The following B4GALT6 variants were observed in gnomAD, a reference collection of about 807,000 sequenced individuals.
The protein encoded by B4GALT6 is UDP-Gal:beta-GlcNAc beta-1,4-galactosyltransferase 6.
B4GALT6 carries 14 observed loss-of-function variants against 46.3 expected under a neutral mutation model. That is an observed-to-expected ratio of 0.30 (90% CI 0.20 to 0.47). The LOEUF (loss-of-function observed/expected upper bound fraction) is 0.47, where lower values mean the gene tolerates loss of function less well. Ranked by LOEUF, B4GALT6 falls within the 20% of genes least tolerant of loss-of-function variation. B4GALT6 has a pLI of 0.99. For synonymous variants in B4GALT6, 168 were observed against 162.0 expected, an observed-to-expected ratio of 1.04 and a Z score of -0.28; for missense variants, 386 against 480.1, an observed-to-expected ratio of 0.80 and a Z score of 1.83.
chr18:31,678,836 C>T (rs2074447141), intron 1 of B4GALT6, among the ~76,000 whole-genome samples: 1 of 152,196 alleles, frequency 6.6e-6, no homozygotes, highest in Non-Finnish European at 1.5e-5. Context: ...GGGGCAAACG[C>T]AAGGGCTCTG....
the B4GALT6 span, among the ~76,000 whole-genome samples, chr18:31,692,531 T>G: frequency 8.1e-6 from 1 of 122,902 alleles, no homozygotes; most frequent in Admixed American, 8.8e-5. Context: ...TTTGATATGA[T>G]TAAACAATTT....
At chr18:31,704,221 A>AT in the B4GALT6 span, among the ~76,000 whole-genome samples, 321 of 142,672 alleles carry the variant, frequency 2.2e-3, 4 homozygotes, top group East Asian at 0.016. Context: ...AGAACATGAG[A>AT]TTTTTTTTTT....
At chr18:31,710,037 G>A in the B4GALT6 span, among the ~76,000 whole-genome samples, 2 of 151,262 alleles carry the variant, frequency 1.3e-5, no homozygotes, top group Non-Finnish European at 2.9e-5. Context: ...AGAGGTTGCA[G>A]TGAGCTGAGA....
upstream of B4GALT6, among the ~76,000 whole-genome samples, chr18:31,688,733 CCTT>C (rs1320840329): frequency 6.6e-6 from 1 of 152,078 alleles, no homozygotes; most frequent in Non-Finnish European, 1.5e-5. Context: ...ATTATTATGT[CCTT>C]CTGAGATGAG....
chr18:31,644,234 A>G (rs2073963831), intron 4 of B4GALT6, among the ~76,000 whole-genome samples: 1 of 152,270 alleles, frequency 6.6e-6, no homozygotes, highest in Admixed American at 6.5e-5. Context: ...CATTTGTAAC[A>G]AGGCCAAAAA....
At chr18:31,673,139 A>T (rs955808177) in intron 1 of B4GALT6, among the ~76,000 whole-genome samples, 4 of 152,204 alleles carry the variant, frequency 2.6e-5, no homozygotes, top group Non-Finnish European at 5.9e-5. Context: ...AGAAAAAACC[A>T]TTCTGTTGGT....
upstream of B4GALT6, among the ~76,000 whole-genome samples, chr18:31,688,130 T>G (rs1471193527): frequency 1.3e-5 from 2 of 151,786 alleles, no homozygotes; most frequent in Non-Finnish European, 2.9e-5. Context: ...CTAAAGAAAA[T>G]TATTGGGTTG....
intron 4 of B4GALT6, 34 bp from the exon 5 acceptor site, chr18:31,638,794 T>C: frequency 6.7e-7 from 1 of 1,486,972 alleles, no homozygotes. Context: ...TGTAAATAAA[T>C]ATATCTACCA....
chr18:31,721,412 A>G, the B4GALT6 span, among the ~76,000 whole-genome samples: 4 of 152,206 alleles, frequency 2.6e-5, no homozygotes, highest in African/African-American at 9.7e-5. Flanking sequence ...AATGCCTAAC[A>G]TATACATTAT....
chr18:31,631,615 G>GA (rs1371208493), intron 5 of B4GALT6, among the ~76,000 whole-genome samples: 2 of 150,458 alleles, frequency 1.3e-5, no homozygotes, highest in African/African-American at 2.4e-5. Flanking sequence ...CTTGTGGCGA[G>GA]AAAAAAAAAG....
chr18:31,674,565 ATCTCTT>A (rs2074394789), intron 1 of B4GALT6, among the ~76,000 whole-genome samples: 1 of 152,204 alleles, frequency 6.6e-6, no homozygotes, highest in South Asian at 2.1e-4. Flanking sequence ...TGAATCAGGT[ATCTCTT>A]TCTAAGAATT....
At chr18:31,709,106 G>A in the B4GALT6 span, among the ~76,000 whole-genome samples, 1 of 152,034 alleles carries the variant, frequency 6.6e-6, no homozygotes, top group African/African-American at 2.4e-5. Flanking sequence ...TAAAATGTGT[G>A]AGCTAGATTA....
rs949075844 is a variant in B4GALT6, at chr18:31,622,775, C to T, written c.*2839G>A. Reference sequence around the variant, plus strand: ...AGATTTAAAAAATACTCATAAAACCCTAGTTTTAGCAAAGAATTAACTATC... The same window carrying T: ...AGATTTAAAAAATACTCATAAAACCTTAGTTTTAGCAAAGAATTAACTATC... On this transcript the variant is annotated 3_prime_UTR_variant, in exon 9 of 9. Transcript: ENST00000306851. 1 of 151,936 alleles carries T rather than the reference C, an allele frequency of 6.6e-6. No individual in the cohort carries two copies. Among genetic ancestry groups the T allele is most frequent in the African/African-American group, 2.4e-5 (1 of 41,388 alleles). 9.4% of individuals were successfully genotyped at this position (151,936 alleles called of 1,614,324 possible).
At chr18:31,698,692 T>A in the B4GALT6 span, among the ~76,000 whole-genome samples, 1 of 150,564 alleles carries the variant, frequency 6.6e-6, no homozygotes, top group South Asian at 2.1e-4. Flanking sequence ...TATAGATTGA[T>A]GACCACTAAC....
At chr18:31,657,545 G>T (rs975840138) in intron 3 of B4GALT6, among the ~76,000 whole-genome samples, 2 of 152,168 alleles carry the variant, frequency 1.3e-5, no homozygotes, top group African/African-American at 4.8e-5. Flanking sequence ...TCTCAGTAGA[G>T]GTGAGGTTAC....
rs1375362499 is a variant in B4GALT6 at position 31,625,532 on chromosome 18, C to A, written c.*82G>T. ...CAGAGAAAAGGGCACTGTGACACAGCCAATCACTGACCTCCACTAAGAGCG... is the reference window on the plus strand; with the variant it reads ...CAGAGAAAAGGGCACTGTGACACAGACAATCACTGACCTCCACTAAGAGCG... On this transcript the variant is annotated 3_prime_UTR_variant, in exon 9 of 9. Coordinates refer to ENST00000306851, the MANE Select transcript of B4GALT6 (RefSeq NM_004775.5). 2.7e-6 allele frequency: 4 copies of A among 1,493,550 alleles called. No individual in the cohort carries two copies. In the African/African-American group the frequency reaches 4.2e-5, roughly 16 times the overall value. The allele number at this position is 1,493,550 out of a possible 1,614,324, so 92.5% of individuals were successfully genotyped here.
intron 1 of B4GALT6, among the ~76,000 whole-genome samples, chr18:31,676,803 G>A (rs959202479): frequency 1.3e-5 from 2 of 152,148 alleles, no homozygotes; most frequent in Admixed American, 6.5e-5. Context: ...ATCTGGGTAC[G>A]TGTTAAAAAT....
chr18:31,674,627 A>C (rs1247274041), intron 1 of B4GALT6, among the ~76,000 whole-genome samples: 1 of 152,216 alleles, frequency 6.6e-6, no homozygotes, highest in Non-Finnish European at 1.5e-5. Flanking sequence ...TCTGATGCTG[A>C]AAATTTTTCT....
Position 31,625,673 on chromosome 18 carries a change from A to G in B4GALT6, c.1090T>C (p.Leu364=), listed in dbSNP as rs769132331. Residue 364 remains leucine, a synonymous_variant, in exon 9 of 9, where the codon TTG becomes CTG. Transcript: ENST00000306851. ...AGGTTTACAGATATGTTTGTATACA[A>G]CCTATCAACCAGTATTTTTGGCCTA... ...IYRPKILVDR[L]YTNISVNLMP... 4 of 1,613,620 alleles carry G rather than the reference A, an allele frequency of 2.5e-6. No homozygotes were observed. In the South Asian group the frequency reaches 4.4e-5, roughly 18 times the overall value.
Sources: allele counts gnomAD v4.1 joint callset (sites outside exome capture counted in the v4.1 genomes callset), GRCh38; gene constraint gnomAD v4.1.1; transcripts MANE v1.5; gene names NCBI Gene and HGNC (gene_info 2026-07-23, HGNC 2026-07-21).